The following SMARCA2 variants were observed in gnomAD, a reference collection of about 807,000 sequenced individuals.
SMARCA2 encodes the protein SWI/SNF related BAF chromatin remodeling complex subunit ATPase 2.
SMARCA2 carries 61 observed loss-of-function variants against 199.8 expected under a neutral mutation model. The ratio of observed to expected loss-of-function variants is 0.31; its 90% confidence interval spans 0.25 to 0.38. The LOEUF (loss-of-function observed/expected upper bound fraction) is 0.38. Among genes scored for constraint, SMARCA2 ranks in the 10% least tolerant of loss-of-function variants. The pLI is 1.00. For missense variants in SMARCA2, 1,344 were observed against 2,012.2 expected (o/e 0.67, Z 6.35); for synonymous variants, 935 against 732.0 (o/e 1.28, Z -4.48).
chr9:2,050,194 C>G (rs1586648345), intron 5 of SMARCA2, among the ~76,000 whole-genome samples: 1 of 152,156 alleles, frequency 6.6e-6, no homozygotes, highest in South Asian at 2.1e-4. Context: ...TGCTGCAGCT[C>G]TGTACAAGCT....
intron 22 of SMARCA2, among the ~76,000 whole-genome samples, chr9:2,103,214 C>T (rs1426191810): frequency 6.6e-6 from 1 of 152,146 alleles, no homozygotes; most frequent in Admixed American, 6.5e-5. Context: ...ATATTTTCAG[C>T]TTTGTGGGCC....
Position 2,039,790 on chromosome 9 carries a change from A to AGCAGCC in SMARCA2, c.685_686insCGCAGC (p.Gln228_Gln229insProGln), listed in dbSNP as rs1554615510. 3 of 1,561,246 alleles carry AGCAGCC rather than the reference A, an allele frequency of 1.9e-6. No homozygotes were observed. The highest frequency in any genetic ancestry group is 1.7e-4 in the Middle Eastern group (1 of 5,872). ...CAGCAGCAGCAACAGCAGCAGCAGC[A>AGCAGCC]GCAGCAGCAGCAGCAGCAGCAGCAG... On this transcript the variant is annotated inframe_insertion, in exon 4 of 34. Transcript: ENST00000349721. The surrounding 1 kb of genome is among the most constrained non-coding windows in gnomAD (Gnocchi z 4.8).
chr9:2,176,025 C>G (rs867983077), intron 29 of SMARCA2, among the ~76,000 whole-genome samples: 1 of 151,854 alleles, frequency 6.6e-6, no homozygotes, highest in Non-Finnish European at 1.5e-5. Flanking sequence ...GGATTATAGC[C>G]ATGCGCCACC....
At chr9:2,142,885 C>G (rs1173418249) in intron 27 of SMARCA2, among the ~76,000 whole-genome samples, 1 of 152,120 alleles carries the variant, frequency 6.6e-6, no homozygotes, top group Non-Finnish European at 1.5e-5. Flanking sequence ...ACAATAAAGA[C>G]TTAATTGTAT....
Position 2,056,752 on chromosome 9 carries a change from C to G in SMARCA2, c.1254C>G (p.Ser418Arg). The G allele has an allele frequency of 6.2e-7, 1 of 1,614,154 alleles. No individual in the cohort carries two copies. The highest frequency in any genetic ancestry group is 1.1e-5 in the South Asian group (1 of 91,074). ...TALNSKAYKR[S>R]KRQTLREARM... ...TCAACTCCAAAGCATACAAACGGAG[C>G]AAGCGCCAGACTCTGAGAGAAGCTC... Residue 418 changes from serine to arginine, a missense_variant, in exon 7 of 34, where the codon AGC becomes AGG. Physicochemically the swap from Ser to Arg is moderately radical, Grantham distance 110 (BLOSUM62 -1). Transcript: ENST00000349721. The surrounding 1 kb of genome is among the most constrained non-coding windows in gnomAD (Gnocchi z 4.0).
intron 32 of SMARCA2, among the ~76,000 whole-genome samples, chr9:2,188,591 C>G (rs1272973532): frequency 6.6e-6 from 1 of 152,202 alleles, no homozygotes; most frequent in Non-Finnish European, 1.5e-5. Context: ...GAGCTGCTCT[C>G]TTCCCCCATC....
chr9:2,031,782 C>T (rs1348283956), intron 2 of SMARCA2, among the ~76,000 whole-genome samples: 2 of 152,184 alleles, frequency 1.3e-5, no homozygotes, highest in Non-Finnish European at 2.9e-5. Flanking sequence ...GGGTTTAGAG[C>T]TCACACCTGC....
At position 2,063,079 on chromosome 9, in the gene SMARCA2, TC is replaced by T. The variant is rs1820675203; in HGVS notation, c.1692+2095del. Among the ~76,000 whole-genome samples, 18 of 152,294 alleles carry T rather than the reference TC, an allele frequency of 1.2e-4. No homozygotes were observed. The South Asian group carries it at 3.7e-3, about 32-fold the overall frequency. On this transcript the variant is annotated intron_variant, in intron 9 of 33. Coordinates refer to ENST00000349721, the MANE Select transcript of SMARCA2 (RefSeq NM_003070.5). Reference sequence around the variant, plus strand: ...TACTTTATGGTCAGCCATCTACCCTTCCTTGCATGCTCTTGGGTGCCTAGCA... The same window carrying T: ...TACTTTATGGTCAGCCATCTACCCTTCTTGCATGCTCTTGGGTGCCTAGCA...
At chr9:2,023,188 A>C (rs143715114) in intron 1 of SMARCA2, among the ~76,000 whole-genome samples, 1 of 152,304 alleles carries the variant, frequency 6.6e-6, no homozygotes, top group African/African-American at 2.4e-5. Flanking sequence ...TCTGAGGTTC[A>C]TGGGGGACTA....
intron 9 of SMARCA2, among the ~76,000 whole-genome samples, chr9:2,061,872 G>A (rs1017560620): frequency 2.0e-5 from 3 of 152,146 alleles, no homozygotes; most frequent in Non-Finnish European, 2.9e-5. Context: ...TTAAGGAGGA[G>A]GAATAAATGA....
chr9:2,149,437 T>C (rs1342735284), intron 27 of SMARCA2, among the ~76,000 whole-genome samples: 2 of 151,432 alleles, frequency 1.3e-5, no homozygotes. Flanking sequence ...GGAGAATTGC[T>C]TGAACCCGGG....
chr9:2,048,075 GTC>G (rs1358752975), intron 5 of SMARCA2: 1 of 152,132 alleles, frequency 6.6e-6, no homozygotes, highest in Non-Finnish European at 1.5e-5. Flanking sequence ...GGGCCATACC[GTC>G]TCTGTCACAA....
chr9:2,078,222 A>C (rs960410399), intron 14 of SMARCA2, among the ~76,000 whole-genome samples: 1 of 152,154 alleles, frequency 6.6e-6, no homozygotes, highest in African/African-American at 2.4e-5. Context: ...TTGTAATCCT[A>C]TCACTTTGGG....
intron 2 of SMARCA2, 147 bp downstream of exon 2, chr9:2,029,394 A>G: frequency 8.5e-7 from 1 of 1,179,188 alleles, no homozygotes; most frequent in Non-Finnish European, 1.2e-6. Context: ...TTAAAAACGC[A>G]TATTGTGAGG....
intron 1 of SMARCA2, among the ~76,000 whole-genome samples, chr9:2,025,164 AAC>A (rs1227475516): frequency 6.6e-6 from 1 of 152,178 alleles, no homozygotes; most frequent in Admixed American, 6.5e-5. Context: ...TCTTTTTAAA[AAC>A]ACACACTCTC....
Position 2,070,415 on chromosome 9 carries a change from C to T in SMARCA2, c.1693-3C>T. 1 of 1,613,408 alleles carries T rather than the reference C, an allele frequency of 6.2e-7. No homozygotes were observed. Among genetic ancestry groups the T allele is most frequent in the Non-Finnish European group, 8.5e-7 (1 of 1,179,458 alleles). ...TATAACATTCGACATTGTTGTTTTGCAGAAGGCTGAGGAGAATGCAGAGGG... is the reference window on the plus strand; with the variant it reads ...TATAACATTCGACATTGTTGTTTTGTAGAAGGCTGAGGAGAATGCAGAGGG... On this transcript the variant is annotated splice_region_variant and splice_polypyrimidine_tract_variant and intron_variant, in intron 9 of 33. Transcript: ENST00000349721.
At chr9:2,026,170 C>G (rs969055917) in intron 1 of SMARCA2, among the ~76,000 whole-genome samples, 1 of 152,180 alleles carries the variant, frequency 6.6e-6, no homozygotes, top group South Asian at 2.1e-4. Flanking sequence ...CAGTGAATAT[C>G]ACGTCACGTT....
chr9:2,166,282 C>A (rs536423758), intron 28 of SMARCA2, among the ~76,000 whole-genome samples: 2 of 152,114 alleles, frequency 1.3e-5, no homozygotes, highest in Non-Finnish European at 2.9e-5. Context: ...GTATTCTGAT[C>A]ATTAATTACA....
intron 27 of SMARCA2, chr9:2,159,881 C>G: frequency 8.1e-6 from 13 of 1,611,980 alleles, no homozygotes; most frequent in Non-Finnish European, 1.1e-5. Flanking sequence ...ACTGTGATTT[C>G]TGATAGCCGG....
Sources: gnomAD v4.1 joint callset for allele counts (sites outside exome capture counted in the v4.1 genomes callset) on GRCh38, gnomAD v4.1.1 for gene constraint, Gnocchi (gnomAD v3.1) non-coding constraint, MANE v1.5 for transcripts, NCBI Gene and HGNC (gene_info 2026-07-23, HGNC 2026-07-21) for gene names.